Variants in RIMS2 observed in about 807,000 individuals in gnomAD.
The protein encoded by RIMS2 is regulating synaptic membrane exocytosis 2.
In RIMS2, 59 loss-of-function variants were observed where a neutral mutation model predicts 174.4. The observed-to-expected ratio is 0.34, with a 90% CI of 0.27 to 0.42. RIMS2 has a LOEUF of 0.42. Among genes scored for constraint, RIMS2 ranks in the 10% least tolerant of loss-of-function variants. The pLI is 1.00. For missense variants in RIMS2, 1,620 were observed against 1,666.3 expected (o/e 0.97, Z 0.48); for synonymous variants, 606 against 572.5 (o/e 1.06, Z -0.84).
intron 19 of RIMS2, among the ~76,000 whole-genome samples, chr8:104,075,294 GA>G (rs1219455419): frequency 1.3e-5 from 2 of 152,280 alleles, no homozygotes; most frequent in East Asian, 3.9e-4. Context: ...ATGATCTTGT[GA>G]ACGCAGTCTC....
intron 15 of RIMS2, among the ~76,000 whole-genome samples, chr8:103,966,624 C>G (rs2091891421): frequency 6.6e-6 from 1 of 152,032 alleles, no homozygotes; most frequent in Admixed American, 6.6e-5. Flanking sequence ...TTTACTGACT[C>G]TAATTCTACT....
At chr8:104,084,332 T>C (rs992680825) in intron 19 of RIMS2, among the ~76,000 whole-genome samples, 16 of 149,622 alleles carry the variant, frequency 1.1e-4, no homozygotes, top group Non-Finnish European at 1.8e-4. Context: ...TCCCAGCTAC[T>C]TGGGAGGCTG....
At chr8:103,869,430 C>T (rs1212179183) in intron 3 of RIMS2, among the ~76,000 whole-genome samples, 5 of 151,930 alleles carry the variant, frequency 3.3e-5, no homozygotes, top group African/African-American at 1.2e-4. Context: ...CTCCTGACCT[C>T]AAGTGATCCG....
chr8:103,818,398 G>T (rs1427697896), intron 3 of RIMS2, among the ~76,000 whole-genome samples: 1 of 152,102 alleles, frequency 6.6e-6, no homozygotes, highest in Non-Finnish European at 1.5e-5. Context: ...ATGGAAAGAT[G>T]GATGTACTTG....
At chr8:104,180,940 A>G (rs2135930717) in intron 19 of RIMS2, among the ~76,000 whole-genome samples, 1 of 151,878 alleles carries the variant, frequency 6.6e-6, no homozygotes, top group South Asian at 2.1e-4. Flanking sequence ...ATGAAGCATC[A>G]TGAAAACAGA....
intron 1 of RIMS2, among the ~76,000 whole-genome samples, chr8:103,532,018 G>A (rs1184347071): frequency 9.2e-5 from 14 of 152,158 alleles, no homozygotes; most frequent in Admixed American, 9.2e-4. Flanking sequence ...AGAATAAAAT[G>A]CAGATATAAC....
intron 19 of RIMS2, among the ~76,000 whole-genome samples, chr8:104,152,744 A>G (rs2098697427): frequency 6.6e-6 from 1 of 152,106 alleles, no homozygotes; most frequent in Non-Finnish European, 1.5e-5. Flanking sequence ...CTTGCCTGAA[A>G]CAAAGAAATT....
At chr8:103,850,907 T>G (rs2098994308) in intron 3 of RIMS2, among the ~76,000 whole-genome samples, 1 of 152,008 alleles carries the variant, frequency 6.6e-6, no homozygotes, top group Non-Finnish European at 1.5e-5. Flanking sequence ...GCATTAGATA[T>G]GTTTTCCTAT....
chr8:103,999,672 A>T (rs2095298933), intron 17 of RIMS2, among the ~76,000 whole-genome samples: 1 of 151,746 alleles, frequency 6.6e-6, no homozygotes, highest in Non-Finnish European at 1.5e-5. Flanking sequence ...TCTTCATTTC[A>T]TGCTAAGTTA....
chr8:103,888,718 A>C (rs1031095794), intron 4 of RIMS2, among the ~76,000 whole-genome samples: 3 of 151,656 alleles, frequency 2.0e-5, no homozygotes. Flanking sequence ...AAAAAGGTAT[A>C]TATGAGTTAA....
chr8:104,131,008 G>A (rs1016162031), intron 19 of RIMS2, among the ~76,000 whole-genome samples: 5 of 152,106 alleles, frequency 3.3e-5, no homozygotes, highest in Non-Finnish European at 7.4e-5. Context: ...CATTTTGTAG[G>A]CCATGCAACG....
chr8:103,692,367 T>C (rs950039161), intron 1 of RIMS2, among the ~76,000 whole-genome samples: 3 of 152,200 alleles, frequency 2.0e-5, no homozygotes, highest in African/African-American at 4.8e-5. Context: ...TCAGAAACCT[T>C]AGGAATCTAC....
chr8:104,111,457 G>T (rs1357702991), intron 19 of RIMS2, among the ~76,000 whole-genome samples: 1 of 152,152 alleles, frequency 6.6e-6, no homozygotes, highest in Non-Finnish European at 1.5e-5. Flanking sequence ...ATCCAGGCTG[G>T]AGTGCAGTGG....
intron 14 of RIMS2, among the ~76,000 whole-genome samples, chr8:103,949,837 G>A (rs192548317): frequency 4.6e-4 from 70 of 152,058 alleles, no homozygotes; most frequent in Admixed American, 1.4e-3. Context: ...AAAGTAAATC[G>A]AACCAAAGGT....
intron 1 of RIMS2, among the ~76,000 whole-genome samples, chr8:103,688,072 T>C (rs1408102559): frequency 1.3e-5 from 2 of 152,118 alleles, no homozygotes; most frequent in African/African-American, 4.8e-5. Context: ...CCTTTTCAAT[T>C]TGGATGCCTT....
intron 19 of RIMS2, among the ~76,000 whole-genome samples, chr8:104,189,173 A>G (rs1157036098): frequency 6.6e-6 from 1 of 152,024 alleles, no homozygotes; most frequent in Non-Finnish European, 1.5e-5. Flanking sequence ...TGCAAGATGG[A>G]TATTTCTATG....
At chr8:103,647,609 T>G (rs920141705) in intron 1 of RIMS2, among the ~76,000 whole-genome samples, 2 of 152,192 alleles carry the variant, frequency 1.3e-5, no homozygotes, top group African/African-American at 2.4e-5. Flanking sequence ...GAACTTATTA[T>G]TGGCCTATTA....
At chr8:104,166,377 T>C (rs2441875) in intron 19 of RIMS2, among the ~76,000 whole-genome samples, 37,719 of 152,058 alleles carry the variant, frequency 0.25, 5,497 homozygotes, top group South Asian at 0.43. Flanking sequence ...GGATGACTTC[T>C]TGAAGGTTTG....
At chr8:103,665,712 C>T (rs1480873901) in intron 1 of RIMS2, among the ~76,000 whole-genome samples, 1 of 152,140 alleles carries the variant, frequency 6.6e-6, no homozygotes, top group Non-Finnish European at 1.5e-5. Context: ...GTTTTCCCCC[C>T]ATGCATACCT....
Sources: gnomAD v4.1 joint callset for allele counts (sites outside exome capture counted in the v4.1 genomes callset) on GRCh38, gnomAD v4.1.1 for gene constraint, MANE v1.5 for transcripts, NCBI Gene and HGNC (gene_info 2026-07-23, HGNC 2026-07-21) for gene names.